Variants in CYREN observed in about 807,000 individuals in gnomAD.
CYREN encodes cell cycle regulator of non-homologous end joining.
CYREN carries 7 observed loss-of-function variants against 9.7 expected under a neutral mutation model. That is an observed-to-expected ratio of 0.72 (90% CI 0.41 to 1.36). The LOEUF is 1.36. Among genes scored for constraint, CYREN ranks in the 40% most tolerant of loss-of-function variants. The probability of loss-of-function intolerance (pLI) is 0.01; values close to 1 mark genes in which losing one functional copy is unlikely to be tolerated. For missense variants in CYREN, 215 were observed against 198.1 expected (o/e 1.09, Z -0.51); for synonymous variants, 76 against 77.9 (o/e 0.98, Z 0.13).
chr7:135,164,018 C>T (rs1382725739), downstream of CYREN, among the ~76,000 whole-genome samples: 1 of 152,234 alleles, frequency 6.6e-6, no homozygotes, highest in African/African-American at 2.4e-5. Flanking sequence ...ACCTTCAGGT[C>T]TCCATTAAGG....
At position 135,144,711 on chromosome 7, in the gene CYREN, T is replaced by C. The variant is rs1000874970; in HGVS notation, n.356+24038A>G. Among the ~76,000 whole-genome samples, 3 of 150,660 alleles carry C rather than the reference T, an allele frequency of 2.0e-5. No homozygotes were observed. In the East Asian group the frequency reaches 5.8e-4, roughly 29 times the overall value. The stretch of plus-strand genomic sequence containing the variant: ...CAGGTGAATCCCTTGAGCCCAGGAG[T>C]GTTAGACCAGCCTGGGCAACATGGC... On this transcript the variant is annotated intron_variant and non_coding_transcript_variant, in intron 2 of 2. Coordinates refer to the CYREN transcript ENST00000459937.
At chr7:135,133,043 C>T (rs985484069) in intron 2 of CYREN, among the ~76,000 whole-genome samples, 2 of 147,904 alleles carry the variant, frequency 1.4e-5, no homozygotes, top group Non-Finnish European at 3.0e-5. Context: ...ATAAATTTAC[C>T]AAAACACACA....
rs1824835563 is a variant in CYREN at position 135,107,072 on chromosome 7, T to G, written n.357-12490A>C. Among the ~76,000 whole-genome samples, 2 of 152,336 alleles carry G rather than the reference T, an allele frequency of 1.3e-5. 1 individual carries two copies. Among genetic ancestry groups the G allele is most frequent in the South Asian group, 4.1e-4 (2 of 4,834 alleles). On this transcript the variant is annotated intron_variant and non_coding_transcript_variant, in intron 2 of 2. Coordinates refer to the CYREN transcript ENST00000459937. ...GTGGTAACATCCCCTTTGTCATTCC[T>G]TATTGTGATTCTTTGGATCTTCTCT...
At chr7:135,171,293 T>A (rs1315628708), upstream of CYREN, among the ~76,000 whole-genome samples, 1 of 149,576 alleles carries the variant, frequency 6.7e-6, no homozygotes, top group African/African-American at 2.5e-5. Flanking sequence ...CTCATATTGT[T>A]TTATACTCAG....
At chr7:135,116,956 A>G (rs2117200003) in intron 2 of CYREN, among the ~76,000 whole-genome samples, 1 of 152,254 alleles carries the variant, frequency 6.6e-6, no homozygotes, top group South Asian at 2.1e-4. Flanking sequence ...TGGATATATG[A>G]GGCAAAAAGA....
chr7:135,099,438 G>A (rs536783139), intron 2 of CYREN, among the ~76,000 whole-genome samples: 1 of 152,250 alleles, frequency 6.6e-6, no homozygotes, highest in South Asian at 2.1e-4. Context: ...TTAAATATAT[G>A]AAGTAATTGT....
chr7:135,167,321 C>G, intron 3 of CYREN: 1 of 1,073,270 alleles, frequency 9.3e-7, no homozygotes, highest in Non-Finnish European at 1.1e-6. Flanking sequence ...TGAGGCACTG[C>G]AATTATTACT....
intron 2 of CYREN, among the ~76,000 whole-genome samples, chr7:135,150,397 G>A (rs1322386283): frequency 6.6e-6 from 1 of 152,030 alleles, no homozygotes; most frequent in Non-Finnish European, 1.5e-5. Flanking sequence ...AATACATTTG[G>A]TGTTTGCCTT....
intron 2 of CYREN, among the ~76,000 whole-genome samples, chr7:135,126,941 T>C (rs1210717009): frequency 6.6e-6 from 1 of 152,130 alleles, no homozygotes; most frequent in Non-Finnish European, 1.5e-5. Context: ...GGCAATACCA[T>C]TCAGGACATA....
intron 2 of CYREN, among the ~76,000 whole-genome samples, chr7:135,119,875 T>G (rs1450971317): frequency 6.6e-6 from 1 of 151,610 alleles, no homozygotes; most frequent in Admixed American, 6.6e-5. Flanking sequence ...AGACTCCGTC[T>G]CAAAAAATAA....
downstream of CYREN, chr7:135,164,382 G>T: frequency 1.3e-6 from 2 of 1,498,486 alleles, no homozygotes; most frequent in South Asian, 2.4e-5. Context: ...GAACAAGCAA[G>T]GGAGAGATGG....
chr7:135,166,990 G>A, intron 3 of CYREN, 119 bp from the exon 4 acceptor site: 1 of 1,514,342 alleles, frequency 6.6e-7, no homozygotes, highest in Non-Finnish European at 8.8e-7. Flanking sequence ...ACCAGGCCAG[G>A]CAATGTACCC....
At chr7:135,104,418 G>A (rs2117061239) in intron 2 of CYREN, among the ~76,000 whole-genome samples, 1 of 152,240 alleles carries the variant, frequency 6.6e-6, no homozygotes, top group Non-Finnish European at 1.5e-5. Flanking sequence ...ATGATAAAAT[G>A]ATTTATATTG....
intron 2 of CYREN, among the ~76,000 whole-genome samples, chr7:135,106,855 G>T (rs1316005984): frequency 1.3e-5 from 2 of 151,938 alleles, no homozygotes; most frequent in African/African-American, 4.8e-5. Flanking sequence ...GGATTTTTTT[G>T]GATGATAAGC....
Position 135,134,894 on chromosome 7 carries a change from C to T in CYREN, n.356+33855G>A. ...AAGAAATACAGCACATCTTGGACAGCACCCAGAAATCACCCTTTTGTAATC... is the reference window on the plus strand; with the variant it reads ...AAGAAATACAGCACATCTTGGACAGTACCCAGAAATCACCCTTTTGTAATC... On this transcript the variant is annotated intron_variant and non_coding_transcript_variant, in intron 2 of 2. Transcript: ENST00000459937. The T allele has an allele frequency of 5.8e-6, 9 of 1,551,128 alleles. No homozygotes were observed. Among genetic ancestry groups the T allele is most frequent in the Non-Finnish European group, 7.8e-6 (9 of 1,146,624 alleles).
intron 2 of CYREN, among the ~76,000 whole-genome samples, chr7:135,133,936 CCAGA>C (rs1400785862): frequency 6.6e-6 from 1 of 151,830 alleles, no homozygotes; most frequent in Non-Finnish European, 1.5e-5. Flanking sequence ...AGATGAATCT[CCAGA>C]CAATTACTCT....
chr7:135,123,584 A>G (rs192593710), intron 2 of CYREN, among the ~76,000 whole-genome samples: 2 of 152,174 alleles, frequency 1.3e-5, no homozygotes, highest in Non-Finnish European at 2.9e-5. Context: ...CCCAAGACAC[A>G]TAATCTTCAG....
chr7:135,134,158 C>A (rs1442434145), intron 2 of CYREN, among the ~76,000 whole-genome samples: 1 of 152,018 alleles, frequency 6.6e-6, no homozygotes. Flanking sequence ...ATGTCAATAT[C>A]CTGATTGTGA....
chr7:135,108,058 T>G (rs549864410), intron 2 of CYREN, among the ~76,000 whole-genome samples: 1 of 152,350 alleles, frequency 6.6e-6, no homozygotes, highest in East Asian at 1.9e-4. Context: ...GATTTCCATT[T>G]ACTTGGTAGA....
Sources: allele counts gnomAD v4.1 joint callset (sites outside exome capture counted in the v4.1 genomes callset), GRCh38; gene constraint gnomAD v4.1.1; transcripts MANE v1.5; gene names NCBI Gene and HGNC (gene_info 2026-07-23, HGNC 2026-07-21).